The following CACNG4 variants were observed in gnomAD, a reference collection of about 807,000 sequenced individuals.
The protein encoded by CACNG4 is calcium voltage-gated channel auxiliary subunit gamma 4, also known as voltage-dependent calcium channel gamma-4 subunit.
Under a neutral mutation model 22.9 loss-of-function variants are expected in CACNG4, and 8 were observed. The observed-to-expected ratio is 0.35, with a 90% CI of 0.21 to 0.63. The LOEUF is 0.63. CACNG4 is among the 30% of genes least tolerant of loss of function. The pLI is 0.72. For synonymous variants in CACNG4, 188 were observed against 191.9 expected (o/e 0.98, Z 0.17); for missense variants, 357 against 455.4 (o/e 0.78, Z 1.97).
intron 1 of CACNG4, among the ~76,000 whole-genome samples, chr17:67,001,717 G>A (rs1357468538): frequency 6.6e-6 from 1 of 152,244 alleles, no homozygotes; most frequent in Non-Finnish European, 1.5e-5. Context: ...CAAGTCTGCA[G>A]CTGCTCTTCC....
chr17:66,975,596 TTC>T (rs1350860939), intron 1 of CACNG4, among the ~76,000 whole-genome samples: 1 of 152,124 alleles, frequency 6.6e-6, no homozygotes, highest in African/African-American at 2.4e-5. Flanking sequence ...TATCATCGCT[TTC>T]TCTCTATTTC....
chr17:66,983,472 G>A (rs777428331), intron 1 of CACNG4, among the ~76,000 whole-genome samples: 26 of 152,298 alleles, frequency 1.7e-4, no homozygotes, highest in Non-Finnish European at 3.4e-4. Context: ...AGCAGGACCC[G>A]CCCCTCAGGT....
At chr17:67,002,970 T>A (rs2035417201) in intron 1 of CACNG4, among the ~76,000 whole-genome samples, 1 of 151,992 alleles carries the variant, frequency 6.6e-6, no homozygotes, top group East Asian at 1.9e-4. Flanking sequence ...CTTCTAAGAG[T>A]CAGGGGAGCT....
chr17:67,002,329 G>T (rs895693228), intron 1 of CACNG4, among the ~76,000 whole-genome samples: 1 of 152,140 alleles, frequency 6.6e-6, no homozygotes, highest in African/African-American at 2.4e-5. Context: ...CTTCCCACTG[G>T]GTCCCTCCCA....
chr17:66,966,201 C>T (rs922344457), intron 1 of CACNG4, among the ~76,000 whole-genome samples: 1 of 152,204 alleles, frequency 6.6e-6, no homozygotes, highest in Non-Finnish European at 1.5e-5. Flanking sequence ...TTCTGCCCGG[C>T]TGCGGAACTT....
intron 1 of CACNG4, among the ~76,000 whole-genome samples, chr17:66,977,549 G>C (rs2035245414): frequency 1.3e-5 from 2 of 152,164 alleles, no homozygotes; most frequent in Admixed American, 1.3e-4. Context: ...TCTGTAAAAT[G>C]GGGATATAAT....
Position 66,972,951 on chromosome 17 carries a change from CA to C in CACNG4, c.220+7828del, listed in dbSNP as rs562233270. 1.4e-3 allele frequency among the ~76,000 whole-genome samples: 212 copies of C among 148,638 alleles called. 1 individual carries two copies. Among genetic ancestry groups the C allele is most frequent in the African/African-American group, 4.7e-3 (191 of 40,220 alleles). On this transcript the variant is annotated intron_variant, in intron 1 of 3. Transcript: ENST00000262138. ...AAAAACAAAAACAAAAACAAACAAACAAAAAAAACAGAGGCCAGGTGCAGTG... is the reference window on the plus strand; with the variant it reads ...AAAAACAAAAACAAAAACAAACAAACAAAAAAACAGAGGCCAGGTGCAGTG...
intron 1 of CACNG4, among the ~76,000 whole-genome samples, chr17:66,996,689 C>A (rs2035377439): frequency 6.6e-6 from 1 of 152,066 alleles, no homozygotes. Flanking sequence ...CCCATTAGTG[C>A]AATTCAACCA....
chr17:66,996,169 C>G (rs2035373480), intron 1 of CACNG4, among the ~76,000 whole-genome samples: 1 of 151,788 alleles, frequency 6.6e-6, no homozygotes, highest in African/African-American at 2.4e-5. Context: ...TCTGCCAATG[C>G]CTCTCTGCTC....
At chr17:67,022,326 C>T (rs142259195) in intron 2 of CACNG4, among the ~76,000 whole-genome samples, 42 of 152,154 alleles carry the variant, frequency 2.8e-4, no homozygotes, top group African/African-American at 8.7e-4. Context: ...CCACTCACCT[C>T]GGGCTCCCAA....
intron 1 of CACNG4, among the ~76,000 whole-genome samples, chr17:67,017,394 G>A (rs1392077486): frequency 6.6e-6 from 1 of 152,062 alleles, no homozygotes; most frequent in Non-Finnish European, 1.5e-5. Context: ...TGGTTTAAGA[G>A]AGGGAAAGAC....
intron 2 of CACNG4, among the ~76,000 whole-genome samples, chr17:67,024,015 A>G (rs752560742): frequency 1.3e-5 from 2 of 152,222 alleles, no homozygotes; most frequent in Non-Finnish European, 2.9e-5. Context: ...GGTGGTCACC[A>G]AAGTCAGCTG....
chr17:67,027,834 C>A lies in CACNG4; in HGVS notation c.446-2632C>A, dbSNP rs1035829179. 6.6e-6 allele frequency among the ~76,000 whole-genome samples: 1 copy of A among 151,910 alleles called. No homozygotes were observed. Among genetic ancestry groups the A allele is most frequent in the Non-Finnish European group, 1.5e-5 (1 of 67,982 alleles). ...AGGAGTTCGAGACCAGCCTGGCCAA[C>A]ATGGTGAAACCCTGTCTCTACCAAA... On this transcript the variant is annotated intron_variant, in intron 3 of 3. Transcript: ENST00000262138. The surrounding 1 kb of genome is among the most constrained non-coding windows in gnomAD (Gnocchi z 4.3).
intron 1 of CACNG4, among the ~76,000 whole-genome samples, chr17:66,973,492 A>T (rs1054474733): frequency 1.3e-5 from 2 of 152,170 alleles, no homozygotes; most frequent in Non-Finnish European, 2.9e-5. Flanking sequence ...ATGGCTCAGG[A>T]GCAGAAAGTG....
intron 1 of CACNG4, among the ~76,000 whole-genome samples, chr17:66,990,720 G>A (rs911463241): frequency 1.6e-4 from 24 of 150,148 alleles, no homozygotes; most frequent in Non-Finnish European, 3.0e-4. Context: ...TCGCTCTATC[G>A]CCCAGGCTGG....
chr17:66,989,003 G>A (rs1259663091), intron 1 of CACNG4, among the ~76,000 whole-genome samples: 1 of 145,598 alleles, frequency 6.9e-6, no homozygotes, highest in Admixed American at 7.0e-5. Flanking sequence ...GGAGGTTGCA[G>A]TGAGCCAAGA....
At position 67,031,773 on chromosome 17, in the gene CACNG4, T is replaced by C. The variant is rs1264708699; in HGVS notation, c.*769T>C. 1 of 456,454 alleles carries C rather than the reference T, an allele frequency of 2.2e-6. No individual in the cohort carries two copies. Among genetic ancestry groups the C allele is most frequent in the Non-Finnish European group, 4.4e-6 (1 of 226,946 alleles). 28.3% of individuals were successfully genotyped at this position (456,454 alleles called of 1,614,324 possible). A position where few individuals can be genotyped will look rare whatever the true frequency, so the allele number is the denominator to read the frequency against. On this transcript the variant is annotated 3_prime_UTR_variant, in exon 4 of 4. Coordinates refer to ENST00000262138, the MANE Select transcript of CACNG4 (RefSeq NM_014405.4). This position sits in a 1 kb window ranked among gnomAD's most constrained non-coding sequence, Gnocchi z 4.0. ...CAGACCCACTGACTGGACTTCAGAG[T>C]CTGGAGGGTTCCATCGGTCAGGGGA...
chr17:67,025,015 C>A lies in CACNG4; in HGVS notation c.445+15C>A. 6.4e-7 allele frequency: 1 copy of A among 1,573,574 alleles called. No homozygotes were observed. ...CGTGGCTGCAGGTGAGCCGCCCGCC[C>A]GGGCTGGTGCTGGGCCGGGAGCTGG... On this transcript the variant is annotated intron_variant, in intron 3 of 3. Coordinates refer to ENST00000262138, the MANE Select transcript of CACNG4 (RefSeq NM_014405.4).
chr17:67,015,681 G>A (rs2035493177), intron 1 of CACNG4, among the ~76,000 whole-genome samples: 2 of 152,180 alleles, frequency 1.3e-5, no homozygotes, highest in Non-Finnish European at 1.5e-5. Flanking sequence ...GAAGACACAC[G>A]GTGGACTTAG....
Sources: gnomAD v4.1 joint callset for allele counts (sites outside exome capture counted in the v4.1 genomes callset) on GRCh38, gnomAD v4.1.1 for gene constraint, Gnocchi (gnomAD v3.1) non-coding constraint, MANE v1.5 for transcripts, NCBI Gene and HGNC (gene_info 2026-07-23, HGNC 2026-07-21) for gene names.